The following FOXP2 variants were observed in gnomAD, a reference collection of about 807,000 sequenced individuals.
FOXP2 encodes forkhead box protein P2.
In FOXP2, 12 loss-of-function variants were observed where a neutral mutation model predicts 115.8. The ratio of observed to expected loss-of-function variants is 0.10; its 90% CI spans 0.07 to 0.17. The LOEUF is 0.17. FOXP2 is among the 10% of genes least tolerant of loss of function. The pLI is 1.00. For synonymous variants in FOXP2, 328 were observed against 297.7 expected (o/e 1.10, Z -1.05); for missense variants, 629 against 843.5 (o/e 0.75, Z 3.15).
intron 2 of FOXP2, among the ~76,000 whole-genome samples, chr7:114,431,324 T>C (rs763425048): frequency 6.6e-6 from 1 of 151,966 alleles, no homozygotes; most frequent in East Asian, 1.9e-4. Flanking sequence ...TACTGTGCGC[T>C]GACTCTGTAA....
At chr7:114,411,458 C>T (rs1393806981), upstream of FOXP2, among the ~76,000 whole-genome samples, 1 of 152,042 alleles carries the variant, frequency 6.6e-6, no homozygotes, top group Non-Finnish European at 1.5e-5. Flanking sequence ...GCATAACGCT[C>T]AAAATATGGA....
intron 1 of FOXP2, among the ~76,000 whole-genome samples, chr7:114,116,932 A>G (rs1791423783): frequency 6.6e-6 from 1 of 152,144 alleles, no homozygotes; most frequent in Non-Finnish European, 1.5e-5. Context: ...TTGGGGGAAT[A>G]TCTGCATACT....
chr7:114,628,856 AT>A (rs1368198003), intron 4 of FOXP2, 179 bp downstream of exon 4: 13 of 712,420 alleles, frequency 1.8e-5, no homozygotes, highest in East Asian at 2.9e-5. Context: ...TAGATTGCTT[AT>A]TTTTTTAAAA....
chr7:114,342,816 G>T (rs1791249265), intron 2 of FOXP2, among the ~76,000 whole-genome samples: 1 of 151,406 alleles, frequency 6.6e-6, no homozygotes, highest in Non-Finnish European at 1.5e-5. Context: ...ATGATTAATG[G>T]TTATATGATA....
chr7:114,233,582 AT>A (rs2129166296), intron 1 of FOXP2, among the ~76,000 whole-genome samples: 1 of 152,358 alleles, frequency 6.6e-6, no homozygotes, highest in African/African-American at 2.4e-5. Flanking sequence ...GGCTCACTCC[AT>A]CCTGAGAAGT....
intron 1 of FOXP2, among the ~76,000 whole-genome samples, chr7:114,424,187 C>A (rs550234408): frequency 1.3e-5 from 2 of 151,292 alleles, no homozygotes; most frequent in Non-Finnish European, 3.0e-5. Flanking sequence ...GTTGATTATT[C>A]TTAATTATTT....
intron 1 of FOXP2, among the ~76,000 whole-genome samples, chr7:114,245,821 GA>G (rs1270223390): frequency 2.0e-5 from 3 of 151,332 alleles, no homozygotes; most frequent in Non-Finnish European, 4.4e-5. Context: ...AAAAAGAACA[GA>G]AAAAAATTTT....
chr7:114,245,283 T>C (rs922329663), intron 1 of FOXP2, among the ~76,000 whole-genome samples: 2 of 152,190 alleles, frequency 1.3e-5, no homozygotes, highest in Non-Finnish European at 2.9e-5. Flanking sequence ...TGCTCAAATA[T>C]TTAGAGAGTG....
chr7:114,630,191 T>C (rs1162561540), intron 5 of FOXP2, among the ~76,000 whole-genome samples, 186 bp downstream of exon 5: 1 of 152,172 alleles, frequency 6.6e-6, no homozygotes, highest in Non-Finnish European at 1.5e-5. Context: ...GCATGGGACT[T>C]GAGAGTTACA....
intron 1 of FOXP2, among the ~76,000 whole-genome samples, chr7:114,145,222 A>C (rs1327140444): frequency 6.6e-6 from 1 of 152,190 alleles, no homozygotes; most frequent in Admixed American, 6.5e-5. Context: ...ACTGTTTTAT[A>C]AACTGAAGTT....
chr7:114,172,171 AATGT>A (rs1793162656), intron 1 of FOXP2, among the ~76,000 whole-genome samples: 1 of 152,208 alleles, frequency 6.6e-6, no homozygotes, highest in Non-Finnish European at 1.5e-5. Flanking sequence ...ACTACAGTAT[AATGT>A]ACCTATAACT....
intron 3 of FOXP2, among the ~76,000 whole-genome samples, chr7:114,586,427 T>C (rs1194959493): frequency 6.6e-6 from 1 of 152,102 alleles, no homozygotes; most frequent in Non-Finnish European, 1.5e-5. Flanking sequence ...TACTCTTCTA[T>C]TAAGGTTCCA....
intron 2 of FOXP2, chr7:114,288,241 C>T (rs1237365875): frequency 2.6e-6 from 1 of 379,060 alleles, no homozygotes; most frequent in African/African-American, 2.1e-5. Context: ...TTTCAGCGGA[C>T]AATTGAGACA....
At chr7:114,433,805 A>G (rs1356891427) in intron 2 of FOXP2, among the ~76,000 whole-genome samples, 2 of 152,020 alleles carry the variant, frequency 1.3e-5, no homozygotes, top group Non-Finnish European at 2.9e-5. Flanking sequence ...CTATTTGATT[A>G]AAATTTAAGT....
intron 1 of FOXP2, among the ~76,000 whole-genome samples, chr7:114,101,375 A>C (rs1790950766): frequency 6.6e-6 from 1 of 152,124 alleles, no homozygotes; most frequent in East Asian, 1.9e-4. Flanking sequence ...AATTTGTCCA[A>C]AATTACACAA....
chr7:114,452,206 C>T (rs1396285641), intron 2 of FOXP2, among the ~76,000 whole-genome samples: 4 of 151,814 alleles, frequency 2.6e-5, no homozygotes, highest in African/African-American at 9.7e-5. Context: ...TCCTTAAATG[C>T]GATATTAACA....
chr7:114,635,072 A>T (rs887947103), intron 6 of FOXP2, among the ~76,000 whole-genome samples: 1 of 152,214 alleles, frequency 6.6e-6, no homozygotes, highest in Admixed American at 6.5e-5. Context: ...CACATTATAG[A>T]ACTAGAGATT....
chr7:114,485,199 T>G lies in FOXP2; in HGVS notation c.169-49418T>G, dbSNP rs1334016735. On this transcript the variant is annotated intron_variant, in intron 2 of 16. Coordinates refer to ENST00000350908, the MANE Select transcript of FOXP2 (RefSeq NM_014491.4). ...AATTTGGTCTCAATTAATCTCAGGT[T>G]TTTCTGAAAATAATGTTTTAGAAAA... is the stretch of plus-strand genomic sequence containing the variant. Among the ~76,000 whole-genome samples, 2 of 151,984 alleles carry G rather than the reference T, an allele frequency of 1.3e-5. 1 individual carries two copies.
Position 114,506,375 on chromosome 7 carries a change from T to C in FOXP2, c.169-28242T>C, listed in dbSNP as rs376795701. On this transcript the variant is annotated intron_variant, in intron 2 of 16. Transcript: ENST00000350908. ...TCCAAAATGTCTTCATATTTTTTCA[T>C]AAAACTGAGGTCTTAATCATGGTAC... is the stretch of plus-strand genomic sequence containing the variant. Among the ~76,000 whole-genome samples, 19 of 151,844 alleles carry C rather than the reference T, an allele frequency of 1.3e-4. No homozygotes were observed. The East Asian group carries it at 1.3e-3, about 11-fold the overall frequency.
Sources: gnomAD v4.1 joint callset for allele counts (sites outside exome capture counted in the v4.1 genomes callset) on GRCh38, gnomAD v4.1.1 for gene constraint, MANE v1.5 for transcripts, NCBI Gene and HGNC (gene_info 2026-07-23, HGNC 2026-07-21) for gene names.